The following SSBP2 variants were observed in gnomAD, a reference collection of about 807,000 sequenced individuals.
SSBP2 encodes single-stranded DNA-binding protein 2.
A neutral mutation model predicts 61.8 loss-of-function variants in SSBP2; 17 were observed. That is an observed-to-expected ratio of 0.28 (90% CI 0.19 to 0.41). SSBP2 has a LOEUF of 0.41. SSBP2 is among the 10% of genes least tolerant of loss of function. The pLI is 1.00. For synonymous variants in SSBP2, 139 were observed against 141.3 expected (o/e 0.98, Z 0.12); for missense variants, 310 against 458.7 (o/e 0.68, Z 2.96).
Position 81,716,932 on chromosome 5 carries a change from A to T in SSBP2, c.62+34049T>A, listed in dbSNP as rs396231. ...GGCTGATGTTTTATAATTTTTATAC[A>T]ATTAAGGAAATACATGGCCTGAACT... On this transcript the variant is annotated intron_variant, in intron 1 of 16. Coordinates refer to ENST00000320672, the MANE Select transcript of SSBP2 (RefSeq NM_012446.5). Among the ~76,000 whole-genome samples, 5 of 152,104 alleles carry T rather than the reference A, an allele frequency of 3.3e-5. No individual in the cohort carries two copies. The South Asian group carries it at 1.0e-3, about 32-fold the overall frequency.
intron 3 of SSBP2, among the ~76,000 whole-genome samples, chr5:81,634,408 G>A (rs1748008851): frequency 6.6e-6 from 1 of 152,120 alleles, no homozygotes; most frequent in Non-Finnish European, 1.5e-5. Context: ...GTATTTGATT[G>A]AAGTCTCGTG....
chr5:81,488,009 TAATATATATATATATATATATATATATA>T (rs1183182207), intron 6 of SSBP2, among the ~76,000 whole-genome samples: 2 of 88,328 alleles, frequency 2.3e-5, no homozygotes, highest in Non-Finnish European at 5.0e-5. Flanking sequence ...TATGGCCAAA[TAATATATATATATATATATATATATATA>T]TATATATATA....
At chr5:81,443,134 A>C (rs1056270411) in intron 12 of SSBP2, 1 of 152,650 alleles carries the variant, frequency 6.6e-6, no homozygotes, top group African/African-American at 2.4e-5. Flanking sequence ...AAATTTTAAA[A>C]ATAGTCTTTT....
At chr5:81,738,887 G>A (rs1440028763) in intron 1 of SSBP2, among the ~76,000 whole-genome samples, 4 of 151,984 alleles carry the variant, frequency 2.6e-5, no homozygotes, top group Non-Finnish European at 4.4e-5. Context: ...ATCTCAGGGC[G>A]GGCACAGTGG....
chr5:81,523,408 C>T (rs532666452), intron 4 of SSBP2, among the ~76,000 whole-genome samples: 1 of 151,934 alleles, frequency 6.6e-6, no homozygotes, highest in South Asian at 2.1e-4. Context: ...GTAACATAAG[C>T]AATTTGTTTC....
intron 3 of SSBP2, among the ~76,000 whole-genome samples, chr5:81,622,656 C>T (rs1277659724): frequency 6.6e-6 from 1 of 152,110 alleles, no homozygotes; most frequent in East Asian, 1.9e-4. Flanking sequence ...GCTTAAAATG[C>T]ATATATATTT....
intron 1 of SSBP2, among the ~76,000 whole-genome samples, chr5:81,675,469 A>G (rs1177771294): frequency 6.6e-6 from 1 of 152,172 alleles, no homozygotes; most frequent in African/African-American, 2.4e-5. Context: ...AGAATATACC[A>G]TTTTAGGGAT....
rs1390223370 is a variant in SSBP2, at chr5:81,751,016, G to A, written c.27C>T (p.Ser9=). The A allele has an allele frequency of 4.4e-6, 7 of 1,599,550 alleles. No homozygotes were observed. The highest frequency in any genetic ancestry group is 4.0e-5 in the African/African-American group (3 of 74,628). ...CCTGGCTGTCGGACGGGACGGCGCT[G>A]CTGTTACTCTTGCCTTTGCCGTACA... The change falls in exon 1 of 17, where the codon AGC becomes AGT. Residue 9 remains serine, a synonymous_variant. Coordinates refer to ENST00000320672, the MANE Select transcript of SSBP2 (RefSeq NM_012446.5).
At chr5:81,501,479 C>T (rs1257842485) in intron 5 of SSBP2, among the ~76,000 whole-genome samples, 1 of 148,896 alleles carries the variant, frequency 6.7e-6, no homozygotes. Flanking sequence ...ATACTTTACT[C>T]TTTTTTGATA....
At chr5:81,654,028 A>G (rs1271782584) in intron 1 of SSBP2, among the ~76,000 whole-genome samples, 1 of 149,850 alleles carries the variant, frequency 6.7e-6, no homozygotes, top group Non-Finnish European at 1.5e-5. Flanking sequence ...GTCTTGCTCT[A>G]TCATCTGGCT....
intron 12 of SSBP2, 43 bp downstream of exon 12, chr5:81,446,825 T>C (rs1000843576): frequency 1.3e-6 from 2 of 1,559,788 alleles, no homozygotes; most frequent in Non-Finnish European, 1.7e-6. Flanking sequence ...TGTGATTTTA[T>C]TCTAATAATC....
intron 1 of SSBP2, among the ~76,000 whole-genome samples, chr5:81,702,188 T>C (rs1754033789): frequency 6.6e-6 from 1 of 152,104 alleles, no homozygotes; most frequent in Non-Finnish European, 1.5e-5. Context: ...CTGGCCAACA[T>C]GATGAAACCA....
At chr5:81,641,005 T>A (rs1748735485) in intron 2 of SSBP2, among the ~76,000 whole-genome samples, 1 of 152,210 alleles carries the variant, frequency 6.6e-6, no homozygotes, top group Non-Finnish European at 1.5e-5. Flanking sequence ...TGACTTTACA[T>A]AATATGACTG....
intron 1 of SSBP2, among the ~76,000 whole-genome samples, chr5:81,714,153 C>T (rs62366307): frequency 0.17 from 26,347 of 151,962 alleles, 2,517 homozygotes; most frequent in East Asian, 0.38. Flanking sequence ...TGAGAACAGG[C>T]GGTGTTTGGT....
At chr5:81,730,531 T>C (rs544580915) in intron 1 of SSBP2, among the ~76,000 whole-genome samples, 1 of 152,300 alleles carries the variant, frequency 6.6e-6, no homozygotes, top group East Asian at 1.9e-4. Context: ...GGTCTTGAAA[T>C]GTTTACATAG....
chr5:81,720,186 T>C (rs770625236), intron 1 of SSBP2, among the ~76,000 whole-genome samples: 1 of 152,170 alleles, frequency 6.6e-6, no homozygotes, highest in Admixed American at 6.5e-5. Context: ...TTATAAACTC[T>C]GGTAACATCA....
At chr5:81,677,927 C>T (rs1264369719) in intron 1 of SSBP2, among the ~76,000 whole-genome samples, 1 of 151,978 alleles carries the variant, frequency 6.6e-6, no homozygotes, top group East Asian at 1.9e-4. Flanking sequence ...GGCTTTCCCT[C>T]CCCCAACACA....
chr5:81,513,692 A>G lies in SSBP2; in HGVS notation c.308T>C (p.Val103Ala), dbSNP rs1768790844. Residue 103 changes from valine (V) to alanine (A), a missense_variant, in exon 5 of 17, where the codon GTG becomes GCG. By Grantham distance (64) the Val-to-Ala change is moderately conservative. This residue lies in a region of SSBP2 where 209 missense variants were observed against 286.4 expected (regional missense o/e 0.73). Transcript: ENST00000320672. ...ATCTCCTGGGGGAATGTTTCCTAGC[A>G]CTGGACTGGGAGCTGCTGCAGCACT... The G allele has an allele frequency of 6.2e-7, 1 of 1,612,740 alleles. No individual in the cohort carries two copies. Among genetic ancestry groups the G allele is most frequent in the Non-Finnish European group, 8.5e-7 (1 of 1,179,058 alleles).
chr5:81,454,874 C>T (rs1383085526), intron 10 of SSBP2, among the ~76,000 whole-genome samples: 1 of 152,064 alleles, frequency 6.6e-6, no homozygotes, highest in Non-Finnish European at 1.5e-5. Flanking sequence ...CTAATGGTCT[C>T]TTCTTCTCCT....
Sources: gnomAD v4.1 joint callset for allele counts (sites outside exome capture counted in the v4.1 genomes callset) on GRCh38, gnomAD v4.1.1 for gene constraint, gnomAD v4.1.1 regional missense constraint, MANE v1.5 for transcripts, NCBI Gene and HGNC (gene_info 2026-07-23, HGNC 2026-07-21) for gene names.